PDGFD: variants seen among roughly 807,000 people sequenced by gnomAD.
PDGFD encodes platelet-derived growth factor D.
In PDGFD, 30 loss-of-function variants were observed where a neutral mutation model predicts 44.7. The observed-to-expected ratio is 0.67, with a 90% CI of 0.50 to 0.91. The LOEUF is 0.91. Among genes scored for constraint, PDGFD ranks in the 40% least tolerant of loss-of-function variants. The pLI is 0.00. For missense variants in PDGFD, 445 were observed against 457.8 expected (o/e 0.97, Z 0.25); for synonymous variants, 173 against 168.4 (o/e 1.03, Z -0.21).
chr11:104,037,940 T>C, intron 1 of PDGFD: 1 of 1,614,106 alleles, frequency 6.2e-7, no homozygotes, highest in Non-Finnish European at 8.5e-7. Context: ...TCTAGGATGG[T>C]AAGTGGGCAA....
At chr11:104,155,558 C>T (rs1377933478) in intron 1 of PDGFD, among the ~76,000 whole-genome samples, 1 of 152,174 alleles carries the variant, frequency 6.6e-6, no homozygotes, top group Non-Finnish European at 1.5e-5. Flanking sequence ...TCCTCTTCTG[C>T]TGTGGATATG....
chr11:104,084,966 A>C (rs1333875022), intron 1 of PDGFD, among the ~76,000 whole-genome samples: 1 of 148,358 alleles, frequency 6.7e-6, no homozygotes, highest in Non-Finnish European at 1.5e-5. Context: ...AATAAAAATA[A>C]AAATATATAT....
intron 1 of PDGFD, among the ~76,000 whole-genome samples, chr11:104,004,998 C>T (rs144515158): frequency 2.7e-5 from 4 of 150,582 alleles, no homozygotes; most frequent in Non-Finnish European, 5.9e-5. Flanking sequence ...CCTGCCTCAG[C>T]CTCCCGAGTA....
At chr11:103,956,374 C>T (rs1858849166) in intron 3 of PDGFD, among the ~76,000 whole-genome samples, 3 of 149,108 alleles carry the variant, frequency 2.0e-5, no homozygotes, top group Admixed American at 2.0e-4. Context: ...CATCCATGTC[C>T]CTACAAAGGA....
chr11:104,084,432 T>C (rs930253316), intron 1 of PDGFD, among the ~76,000 whole-genome samples: 4 of 151,928 alleles, frequency 2.6e-5, no homozygotes, highest in African/African-American at 9.7e-5. Flanking sequence ...CTGGTATAAA[T>C]GGCCTGAGCT....
intron 1 of PDGFD, chr11:104,037,953 T>A (rs1411380316): frequency 9.9e-6 from 16 of 1,614,054 alleles, no homozygotes; most frequent in Non-Finnish European, 1.2e-5. Flanking sequence ...GTGGGCAAGA[T>A]GAGTCTTCGG....
intron 1 of PDGFD, among the ~76,000 whole-genome samples, chr11:104,054,800 A>C (rs1189734260): frequency 6.6e-6 from 1 of 152,186 alleles, no homozygotes. Flanking sequence ...GCCACTTGTA[A>C]AAGGAAACAG....
chr11:104,048,622 C>A (rs1162709103), intron 1 of PDGFD, among the ~76,000 whole-genome samples: 1 of 152,090 alleles, frequency 6.6e-6, no homozygotes, highest in Non-Finnish European at 1.5e-5. Context: ...ACAGACTAAC[C>A]TTTGCTACTG....
Position 103,909,654 on chromosome 11 carries a change from A to C in PDGFD, c.*40T>G, listed in dbSNP as rs370721006. 6 of 1,611,432 alleles carry C rather than the reference A, an allele frequency of 3.7e-6. No individual in the cohort carries two copies. In the Admixed American group the frequency reaches 5.0e-5, roughly 13 times the overall value. On this transcript the variant is annotated 3_prime_UTR_variant, in exon 7 of 7. Transcript: ENST00000393158. ...CTCTTATCTCACCCTCCTTAAACTA[A>C]AGGTTCTTTCAGGCTTAATGTAAGG...
At chr11:104,011,494 T>C (rs1565310103) in intron 1 of PDGFD, among the ~76,000 whole-genome samples, 1 of 152,100 alleles carries the variant, frequency 6.6e-6, no homozygotes, top group Non-Finnish European at 1.5e-5. Context: ...TTTCTTCGCA[T>C]GTTAACATTT....
rs1408843434 is a variant in PDGFD at position 104,144,407 on chromosome 11, G to A, written c.124+19397C>T. On this transcript the variant is annotated intron_variant, in intron 1 of 6. Transcript: ENST00000393158. ...TGTAATCCCAGCTACTCGGGAGGCT[G>A]AGGCAGGAGAATCGCTTGAACCCAG... 5.3e-5 allele frequency among the ~76,000 whole-genome samples: 8 copies of A among 150,324 alleles called. No homozygotes were observed. In the Admixed American group the frequency reaches 5.3e-4, roughly 10 times the overall value.
rs1323622923 is a variant in PDGFD, at chr11:104,020,964, AC to A, written c.125-20710del. On this transcript the variant is annotated intron_variant, in intron 1 of 6. Transcript: ENST00000393158. ...AGTGCCTGTCTGCTGTATGAAGAAT[AC>A]CTTGGGCCAAGTTGAAAATCAAAAC... Among the ~76,000 whole-genome samples, 108 of 152,306 alleles carry A rather than the reference AC, an allele frequency of 7.1e-4. 1 individual carries two copies. Among genetic ancestry groups the A allele is most frequent in the African/African-American group, 2.5e-3 (105 of 41,582 alleles).
chr11:103,954,292 C>CA (rs1858804083), intron 3 of PDGFD, among the ~76,000 whole-genome samples: 1 of 152,238 alleles, frequency 6.6e-6, no homozygotes, highest in Non-Finnish European at 1.5e-5. Flanking sequence ...TGAGCACCAG[C>CA]AATGGATGTC....
At chr11:104,140,612 G>A (rs531048930) in intron 1 of PDGFD, among the ~76,000 whole-genome samples, 7 of 152,006 alleles carry the variant, frequency 4.6e-5, no homozygotes, top group Admixed American at 4.6e-4. Flanking sequence ...TTCTCCCTCT[G>A]GGAACCTCAC....
intron 1 of PDGFD, among the ~76,000 whole-genome samples, chr11:104,087,154 G>A (rs1444924547): frequency 2.0e-5 from 3 of 147,128 alleles, no homozygotes; most frequent in East Asian, 2.0e-4. Context: ...TCAGCCTCCC[G>A]AGTAGCTAGG....
chr11:103,913,797 T>TA lies in PDGFD; in HGVS notation c.988-3979dup, dbSNP rs200198667. On this transcript the variant is annotated intron_variant, in intron 6 of 6. Transcript: ENST00000393158. ...AGAGAGAAGAATCAAAGAGATGCAATAAAAAATGATAAAGGGGATATCACC... is the reference window on the plus strand; with the variant it reads ...AGAGAGAAGAATCAAAGAGATGCAATAAAAAAATGATAAAGGGGATATCACC... 3.4e-3 allele frequency among the ~76,000 whole-genome samples: 514 copies of TA among 151,908 alleles called. 3 individuals carry two copies. The highest frequency in any genetic ancestry group is 0.012 in the African/African-American group (498 of 41,392).
intron 1 of PDGFD, among the ~76,000 whole-genome samples, chr11:104,120,837 T>G (rs1006589578): frequency 6.6e-6 from 1 of 151,948 alleles, no homozygotes; most frequent in Admixed American, 6.6e-5. Flanking sequence ...ACTACTGTGA[T>G]TTTTTCCCCC....
chr11:104,134,813 C>T (rs1861978662), intron 1 of PDGFD, among the ~76,000 whole-genome samples: 1 of 152,208 alleles, frequency 6.6e-6, no homozygotes, highest in African/African-American at 2.4e-5. Flanking sequence ...CTGGGCTGCA[C>T]ATCTGCAGTC....
At chr11:104,112,236 G>C (rs573897410) in intron 1 of PDGFD, among the ~76,000 whole-genome samples, 1 of 149,142 alleles carries the variant, frequency 6.7e-6, no homozygotes, top group Non-Finnish European at 1.5e-5. Context: ...TGATTGGTGT[G>C]GGATGGTATT....
Sources: gnomAD v4.1 joint callset for allele counts (sites outside exome capture counted in the v4.1 genomes callset) on GRCh38, gnomAD v4.1.1 for gene constraint, MANE v1.5 for transcripts, NCBI Gene and HGNC (gene_info 2026-07-23, HGNC 2026-07-21) for gene names.